SLC22A9: variants seen among roughly 807,000 people sequenced by gnomAD.
The protein encoded by SLC22A9 is solute carrier family 22 member 9, also known as organic anion transporter 7.
SLC22A9 carries 64 observed loss-of-function variants against 50.1 expected under a neutral mutation model. The ratio of observed to expected loss-of-function variants is 1.28; its 90% CI spans 1.04 to 1.57. The LOEUF is 1.57. Ranked by LOEUF, SLC22A9 falls within the 40% of genes most tolerant of loss-of-function variation. The pLI is 0.00. For missense variants in SLC22A9, 757 were observed against 676.1 expected (o/e 1.12, Z -1.33); for synonymous variants, 261 against 242.5 (o/e 1.08, Z -0.71).
At chr11:63,373,132 T>C (rs1426370891) in intron 2 of SLC22A9, among the ~76,000 whole-genome samples, 1 of 101,290 alleles carries the variant, frequency 9.9e-6, no homozygotes, top group Non-Finnish European at 2.4e-5. Context: ...CCTTTTTTTT[T>C]TTCTTTTTTT....
At chr11:63,408,943 C>A in intron 9 of SLC22A9, 64 bp downstream of exon 9, 2 of 1,539,392 alleles carry the variant, frequency 1.3e-6, no homozygotes, top group Non-Finnish European at 1.8e-6. Context: ...CTGAGGAAGG[C>A]AAAATACCAT....
intron 6 of SLC22A9, among the ~76,000 whole-genome samples, chr11:63,383,311 A>G (rs1209002424): frequency 2.6e-5 from 4 of 152,298 alleles, no homozygotes; most frequent in African/African-American, 9.6e-5. Flanking sequence ...GGATATCTTA[A>G]GAATAAAACA....
intron 6 of SLC22A9, among the ~76,000 whole-genome samples, chr11:63,406,243 C>G (rs114722037): frequency 0.013 from 1,983 of 152,270 alleles, 45 homozygotes; most frequent in African/African-American, 0.045. Flanking sequence ...GTCTGTATCT[C>G]TTTCTGAACA....
chr11:63,384,311 G>C (rs187880154), intron 6 of SLC22A9, among the ~76,000 whole-genome samples: 81 of 152,184 alleles, frequency 5.3e-4, no homozygotes, highest in Non-Finnish European at 9.9e-4. Context: ...ACCCCCAACA[G>C]GTCCCAGTGT....
In SLC22A9 at chr11:63,410,056, T is replaced by A; in HGVS notation, c.*194T>A. The A allele has an allele frequency of 2.0e-6, 1 of 489,698 alleles. No individual in the cohort carries two copies. 30.3% of individuals were successfully genotyped at this position (489,698 alleles called of 1,614,324 possible). A position where few individuals can be genotyped will look rare whatever the true frequency, so the allele number is the denominator to read the frequency against. ...AAGATAAAGACCACCCTGGCCAACA[T>A]GGTGAAACCCTGTCTCTACTAAAAC... On this transcript the variant is annotated 3_prime_UTR_variant, in exon 10 of 10. Coordinates refer to ENST00000279178, the MANE Select transcript of SLC22A9 (RefSeq NM_080866.3).
chr11:63,400,340 A>T (rs1174182219), intron 6 of SLC22A9, among the ~76,000 whole-genome samples: 2 of 152,132 alleles, frequency 1.3e-5, no homozygotes, highest in Non-Finnish European at 2.9e-5. Flanking sequence ...AACTGACATC[A>T]CAGAAATCCA....
At position 63,408,881 on chromosome 11, in the gene SLC22A9, T is replaced by G. The variant is rs767929743; in HGVS notation, c.1601+2T>G. 6.2e-7 allele frequency: 1 copy of G among 1,613,666 alleles called. No homozygotes were observed. Among genetic ancestry groups the G allele is most frequent in the Admixed American group, 1.7e-5 (1 of 59,954 alleles). On this transcript the variant is annotated splice_donor_variant, in intron 9 of 9. Coordinates refer to ENST00000279178, the MANE Select transcript of SLC22A9 (RefSeq NM_080866.3). LOFTEE classifies it high-confidence loss of function. Reference sequence around the variant, plus strand: ...CACCATCCAGGATGAGAAAAATGAGTGAGTAAATAGCCCGGTTGCCCCTCA... The same window carrying G: ...CACCATCCAGGATGAGAAAAATGAGGGAGTAAATAGCCCGGTTGCCCCTCA...
At chr11:63,397,110 C>T (rs2014873126) in intron 6 of SLC22A9, among the ~76,000 whole-genome samples, 1 of 152,202 alleles carries the variant, frequency 6.6e-6, no homozygotes, top group South Asian at 2.1e-4. Flanking sequence ...GCCAGTAATG[C>T]TGCAGTTCTT....
At chr11:63,398,465 C>G (rs7104584) in intron 6 of SLC22A9, among the ~76,000 whole-genome samples, 13,511 of 152,154 alleles carry the variant, frequency 0.089, 829 homozygotes, top group South Asian at 0.2. Context: ...GACCTTTAGT[C>G]CATGATGGTG....
At chr11:63,382,109 C>G (rs1245813607) in intron 5 of SLC22A9, 50 bp from the exon 6 acceptor site, 1 of 1,447,888 alleles carries the variant, frequency 6.9e-7, no homozygotes, top group Non-Finnish European at 9.5e-7. Context: ...CCTACAGTGC[C>G]TACTCTTTTC....
At chr11:63,403,821 AAATC>A (rs932793343) in intron 6 of SLC22A9, among the ~76,000 whole-genome samples, 49 of 151,424 alleles carry the variant, frequency 3.2e-4, no homozygotes, top group Non-Finnish European at 4.7e-4. Flanking sequence ...ATAAATAAAT[AAATC>A]AATCAATCAA....
intron 2 of SLC22A9, among the ~76,000 whole-genome samples, 176 bp downstream of exon 2, chr11:63,371,414 T>C (rs1469283340): frequency 6.6e-6 from 1 of 152,222 alleles, no homozygotes; most frequent in Non-Finnish European, 1.5e-5. Context: ...ATTTGAGCTC[T>C]GTATGCAGGA....
intron 6 of SLC22A9, among the ~76,000 whole-genome samples, chr11:63,394,781 G>A (rs2014823413): frequency 6.6e-6 from 1 of 152,090 alleles, no homozygotes. Context: ...CTCTAGCAAG[G>A]CTGGGGAAGT....
At chr11:63,401,382 G>A (rs1368288975) in intron 6 of SLC22A9, among the ~76,000 whole-genome samples, 1 of 151,944 alleles carries the variant, frequency 6.6e-6, no homozygotes, top group Non-Finnish European at 1.5e-5. Flanking sequence ...AGGAAATTAA[G>A]AAAGCAATCT....
intron 4 of SLC22A9, among the ~76,000 whole-genome samples, chr11:63,374,317 A>C (rs576325398): frequency 6.6e-6 from 1 of 152,328 alleles, no homozygotes; most frequent in Admixed American, 6.5e-5. Context: ...TGTAAGAGAC[A>C]TAATTTACTC....
chr11:63,377,731 G>A (rs1478089640), intron 5 of SLC22A9, among the ~76,000 whole-genome samples: 1 of 151,848 alleles, frequency 6.6e-6, no homozygotes, highest in Non-Finnish European at 1.5e-5. Flanking sequence ...AAATTGAGAT[G>A]TAAAAAAGAT....
At chr11:63,390,510 T>C (rs1406009922) in intron 6 of SLC22A9, among the ~76,000 whole-genome samples, 1 of 151,940 alleles carries the variant, frequency 6.6e-6, no homozygotes, top group East Asian at 1.9e-4. Flanking sequence ...ATTTCTGAGG[T>C]CTCTGTTCTT....
intron 6 of SLC22A9, among the ~76,000 whole-genome samples, chr11:63,397,122 C>A (rs973725226): frequency 6.6e-6 from 1 of 152,200 alleles, no homozygotes; most frequent in African/African-American, 2.4e-5. Context: ...GCAGTTCTTG[C>A]AGACCCACAG....
Position 63,370,052 on chromosome 11 carries a change from C to A in SLC22A9, c.-5C>A. The A allele has an allele frequency of 1.2e-6, 2 of 1,606,684 alleles. No individual in the cohort carries two copies. Among genetic ancestry groups the A allele is most frequent in the Admixed American group, 1.7e-5 (1 of 59,624 alleles). ...CTCTACTTGAGGATCAACTGTTCAA[C>A]CTCAATGGCCTTTCAGGACCTCCTG... On this transcript the variant is annotated 5_prime_UTR_variant, in exon 1 of 10. Transcript: ENST00000279178.
Sources: gnomAD v4.1 joint callset for allele counts (sites outside exome capture counted in the v4.1 genomes callset) on GRCh38, gnomAD v4.1.1 for gene constraint, MANE v1.5 for transcripts, NCBI Gene and HGNC (gene_info 2026-07-23, HGNC 2026-07-21) for gene names.